Variants in WLS observed in about 807,000 individuals in gnomAD.
WLS encodes the protein protein wntless homolog.
In WLS, 23 loss-of-function variants were observed where a neutral mutation model predicts 62.8. That is an observed-to-expected ratio of 0.37 (90% CI 0.26 to 0.52). The LOEUF (loss-of-function observed/expected upper bound fraction) is 0.52, where lower values mean the gene tolerates loss of function less well. WLS is among the 20% of genes least tolerant of loss of function. The probability of loss-of-function intolerance (pLI) is 0.92; values close to 1 mark genes in which losing one functional copy is unlikely to be tolerated. For missense variants in WLS, 615 were observed against 697.3 expected (o/e 0.88, Z 1.33); for synonymous variants, 246 against 244.1 (o/e 1.01, Z -0.07).
chr1:68,197,815 T>G (rs764433768), intron 1 of WLS, among the ~76,000 whole-genome samples: 1 of 152,182 alleles, frequency 6.6e-6, no homozygotes, highest in Non-Finnish European at 1.5e-5. Context: ...TTGATCTGTC[T>G]GTAAATTTTT....
chr1:68,213,165 G>A (rs1649583137), intron 1 of WLS, among the ~76,000 whole-genome samples: 1 of 152,140 alleles, frequency 6.6e-6, no homozygotes, highest in South Asian at 2.1e-4. Flanking sequence ...ACAAGAGGAA[G>A]TAAAGCCGGG....
intron 1 of WLS, among the ~76,000 whole-genome samples, chr1:68,204,723 CAATTT>C (rs1223477095): frequency 6.6e-6 from 1 of 152,184 alleles, no homozygotes; most frequent in Non-Finnish European, 1.5e-5. Context: ...CTCCTTCATT[CAATTT>C]GTTAAATGCC....
intron 11 of WLS, among the ~76,000 whole-genome samples, chr1:68,110,680 T>G (rs1646215330): frequency 6.6e-6 from 1 of 151,090 alleles, no homozygotes; most frequent in Admixed American, 6.6e-5. Flanking sequence ...TCTCTCTCTC[T>G]CTCTCTCTCT....
At chr1:68,149,221 G>T (rs1480817394) in intron 6 of WLS, among the ~76,000 whole-genome samples, 1 of 152,148 alleles carries the variant, frequency 6.6e-6, no homozygotes, top group African/African-American at 2.4e-5. Flanking sequence ...AAGCAAAGAT[G>T]ATCTTAGCCT....
At chr1:68,203,551 G>C (rs1174970054) in intron 1 of WLS, among the ~76,000 whole-genome samples, 1 of 152,184 alleles carries the variant, frequency 6.6e-6, no homozygotes, top group Non-Finnish European at 1.5e-5. Context: ...AAGAAATGAT[G>C]GAGTAATAGG....
At chr1:68,111,847 G>C (rs1229499568) in intron 11 of WLS, among the ~76,000 whole-genome samples, 1 of 152,204 alleles carries the variant, frequency 6.6e-6, no homozygotes, top group African/African-American at 2.4e-5. Flanking sequence ...CTTGCCAGAA[G>C]AAGATTTAGT....
chr1:68,159,011 ACCAAAGCTGT>A, intron 3 of WLS, 102 bp downstream of exon 3: 2 of 1,416,932 alleles, frequency 1.4e-6, no homozygotes, highest in Non-Finnish European at 1.9e-6. Flanking sequence ...AGCAGGTATT[ACCAAAGCTGT>A]CCTCATGCGA....
At chr1:68,122,393 C>T (rs752712329), downstream of WLS, among the ~76,000 whole-genome samples, 1 of 152,204 alleles carries the variant, frequency 6.6e-6, no homozygotes, top group Non-Finnish European at 1.5e-5. Context: ...GTTAAAACCA[C>T]CCTTGGGCAG....
intron 11 of WLS, among the ~76,000 whole-genome samples, chr1:68,136,824 T>G (rs957679932): frequency 6.6e-6 from 1 of 152,218 alleles, no homozygotes; most frequent in African/African-American, 2.4e-5. Context: ...ACACACTCAC[T>G]GAGTACTTCC....
chr1:68,208,666 A>G (rs546596282), intron 1 of WLS, among the ~76,000 whole-genome samples: 1 of 152,378 alleles, frequency 6.6e-6, no homozygotes, highest in African/African-American at 2.4e-5. Context: ...TTTCTTTGAC[A>G]GAATCCCTAC....
intron 1 of WLS, among the ~76,000 whole-genome samples, chr1:68,225,954 T>C (rs1428627352): frequency 6.6e-6 from 1 of 152,220 alleles, no homozygotes; most frequent in African/African-American, 2.4e-5. Context: ...CTTTAGTCAA[T>C]TGGATGATTC....
At chr1:68,108,412 A>G (rs1646176535) in intron 11 of WLS, among the ~76,000 whole-genome samples, 1 of 152,210 alleles carries the variant, frequency 6.6e-6, no homozygotes, top group Non-Finnish European at 1.5e-5. Flanking sequence ...TAAAATCCAA[A>G]TGAAGTCATG....
At chr1:68,101,192 T>C (rs1202436960) in intron 11 of WLS, among the ~76,000 whole-genome samples, 1 of 152,110 alleles carries the variant, frequency 6.6e-6, no homozygotes, top group Non-Finnish European at 1.5e-5. Flanking sequence ...AACAGTAACA[T>C]GGGGATGATA....
chr1:68,144,780 A>C lies in WLS; in HGVS notation c.1279-128T>G, dbSNP rs966718251. 6.1e-5 allele frequency: 42 copies of C among 689,274 alleles called. No homozygotes were observed. In the African/African-American group the frequency reaches 7.3e-4, roughly 12 times the overall value. The allele number at this position is 689,274 out of a possible 1,614,324, so 42.7% of individuals were successfully genotyped here. A position where few individuals can be genotyped will look rare whatever the true frequency, so the allele number is the denominator to read the frequency against. ...AAATCCCTAAGAATGACAGTAAAAT[A>C]GTTTCCCATAGTAATATTTCTTCTG... On this transcript the variant is annotated intron_variant, in intron 9 of 11. Coordinates refer to ENST00000262348, the MANE Select transcript of WLS (RefSeq NM_024911.7).
At chr1:68,168,574 G>A (rs1864569) in intron 2 of WLS, among the ~76,000 whole-genome samples, 76,981 of 151,998 alleles carry the variant, frequency 0.51, 20,022 homozygotes, top group African/African-American at 0.62. Context: ...TATATTAGAG[G>A]AAATCAGGAA....
At chr1:68,171,116 G>A (rs1450163208) in intron 2 of WLS, among the ~76,000 whole-genome samples, 2 of 152,066 alleles carry the variant, frequency 1.3e-5, no homozygotes, top group East Asian at 3.9e-4. Context: ...TGTGCTAGAT[G>A]GACCATCCAA....
chr1:68,103,958 C>T (rs1015801101), intron 11 of WLS, among the ~76,000 whole-genome samples: 2 of 152,170 alleles, frequency 1.3e-5, no homozygotes, highest in South Asian at 4.1e-4. Flanking sequence ...ACTTGGCTGT[C>T]TGGCGGAGCT....
chr1:68,184,689 AC>A (rs1278853963), intron 2 of WLS, among the ~76,000 whole-genome samples: 1 of 152,210 alleles, frequency 6.6e-6, no homozygotes, highest in Non-Finnish European at 1.5e-5. Context: ...TTACATCCTG[AC>A]AAATTCATTA....
intron 8 of WLS, among the ~76,000 whole-genome samples, chr1:68,146,913 T>C (rs1172251337): frequency 1.3e-5 from 2 of 152,022 alleles, no homozygotes; most frequent in African/African-American, 4.8e-5. Context: ...GAGACAGAGT[T>C]TTGCTTTTGT....
Sources: allele counts gnomAD v4.1 joint callset (sites outside exome capture counted in the v4.1 genomes callset), GRCh38; gene constraint gnomAD v4.1.1; transcripts MANE v1.5; gene names NCBI Gene and HGNC (gene_info 2026-07-23, HGNC 2026-07-21).